The following ZFAND6 variants were observed in gnomAD, a reference collection of about 807,000 sequenced individuals.
The protein encoded by ZFAND6 is zinc finger AN1-type containing 6.
Under a neutral mutation model 24.5 loss-of-function variants are expected in ZFAND6, and 12 were observed. The ratio of observed to expected loss-of-function variants is 0.49; its 90% CI spans 0.31 to 0.79. The LOEUF (loss-of-function observed/expected upper bound fraction) is 0.79. Among genes scored for constraint, ZFAND6 ranks in the 30% least tolerant of loss-of-function variants. The pLI is 0.04. For synonymous variants in ZFAND6, 92 were observed against 81.5 expected (o/e 1.13, Z -0.69); for missense variants, 207 against 245.9 (o/e 0.84, Z 1.06).
At chr15:80,083,741 AT>A (rs1430347334) in intron 1 of ZFAND6, among the ~76,000 whole-genome samples, 2 of 152,126 alleles carry the variant, frequency 1.3e-5, no homozygotes, top group Admixed American at 1.3e-4. Context: ...AAATATAAAA[AT>A]CAGCTGGGCA....
intron 6 of ZFAND6, among the ~76,000 whole-genome samples, chr15:80,134,223 C>G (rs2040753257): frequency 6.6e-6 from 1 of 152,190 alleles, no homozygotes; most frequent in Non-Finnish European, 1.5e-5. Flanking sequence ...CTCCTGATCG[C>G]AGGTGATCCG....
At chr15:80,109,394 G>A (rs2039495868) in intron 2 of ZFAND6, among the ~76,000 whole-genome samples, 1 of 152,114 alleles carries the variant, frequency 6.6e-6, no homozygotes, top group Non-Finnish European at 1.5e-5. Context: ...TTGATGCTGG[G>A]GACAATTTTA....
chr15:80,100,854 C>T (rs2038990053), intron 2 of ZFAND6, among the ~76,000 whole-genome samples: 1 of 152,170 alleles, frequency 6.6e-6, no homozygotes, highest in African/African-American at 2.4e-5. Flanking sequence ...TCCTAGCTGT[C>T]CCTTCTAACA....
intron 1 of ZFAND6, among the ~76,000 whole-genome samples, chr15:80,072,410 C>T (rs2037030052): frequency 6.6e-6 from 1 of 151,924 alleles, no homozygotes; most frequent in South Asian, 2.1e-4. Flanking sequence ...CCAGCTTATC[C>T]AGGAGGTTTT....
At chr15:80,074,288 G>C (rs903553586) in intron 1 of ZFAND6, among the ~76,000 whole-genome samples, 1 of 151,898 alleles carries the variant, frequency 6.6e-6, no homozygotes, top group Non-Finnish European at 1.5e-5. Flanking sequence ...ATCTATGCTA[G>C]ATATTTTATA....
At chr15:80,086,114 CT>C (rs1197137774) in intron 1 of ZFAND6, among the ~76,000 whole-genome samples, 1 of 152,208 alleles carries the variant, frequency 6.6e-6, no homozygotes, top group Non-Finnish European at 1.5e-5. Context: ...TCTCAGCCCA[CT>C]GCAACCTCCG....
intron 2 of ZFAND6, among the ~76,000 whole-genome samples, chr15:80,114,387 A>C (rs1019242821): frequency 2.6e-5 from 4 of 152,208 alleles, no homozygotes; most frequent in African/African-American, 9.7e-5. Context: ...AATTATGTGA[A>C]GGACGAATGC....
chr15:80,077,353 A>G lies in ZFAND6; in HGVS notation c.-181+17544A>G, dbSNP rs182093437. Among the ~76,000 whole-genome samples, 856 of 152,340 alleles carry G rather than the reference A, an allele frequency of 5.6e-3. 1 individual carries two copies. The highest frequency in any genetic ancestry group is 0.01 in the Middle Eastern group (3 of 294). On this transcript the variant is annotated intron_variant, in intron 1 of 6. Transcript: ENST00000261749. The stretch of plus-strand genomic sequence containing the variant: ...AATGCAGACAACATTACTTACAAAT[A>G]AAATTGACGTGAACAGAAAAATAGT...
intron 5 of ZFAND6, among the ~76,000 whole-genome samples, chr15:80,127,578 A>G (rs1043101724): frequency 1.4e-5 from 2 of 138,984 alleles, no homozygotes; most frequent in Non-Finnish European, 3.1e-5. Context: ...CAAAAGGGCA[A>G]AACTCCATCT....
chr15:80,074,551 C>T (rs1181815605), intron 1 of ZFAND6, among the ~76,000 whole-genome samples: 2 of 151,742 alleles, frequency 1.3e-5, no homozygotes, highest in Non-Finnish European at 3.0e-5. Context: ...ATTATTTGTG[C>T]GTTTCTTAAT....
chr15:80,099,632 T>TTTTTTTTTTC (rs1313989156), intron 2 of ZFAND6, among the ~76,000 whole-genome samples: 4 of 149,290 alleles, frequency 2.7e-5, no homozygotes, highest in Middle Eastern at 3.4e-3. Context: ...TTTTTTTTTT[T>TTTTTTTTTTC]TTCGAGACGG....
At chr15:80,060,187 G>C (rs532341148) in intron 1 of ZFAND6, 1 of 152,062 alleles carries the variant, frequency 6.6e-6, no homozygotes, top group Non-Finnish European at 1.5e-5. Context: ...TGGCTGGCGG[G>C]GGTCGGAAGG....
At chr15:80,133,676 A>G (rs902096895) in intron 6 of ZFAND6, among the ~76,000 whole-genome samples, 2 of 152,208 alleles carry the variant, frequency 1.3e-5, no homozygotes, top group Non-Finnish European at 2.9e-5. Context: ...AAAGTGCCCT[A>G]TTCTGGAAGA....
intron 1 of ZFAND6, among the ~76,000 whole-genome samples, chr15:80,085,960 T>A (rs1045065672): frequency 3.9e-4 from 60 of 152,256 alleles, no homozygotes; most frequent in African/African-American, 1.4e-3. Context: ...AAAGGTAGTT[T>A]ATCTGCACCC....
chr15:80,080,572 C>T (rs1272811328), intron 1 of ZFAND6, among the ~76,000 whole-genome samples: 40 of 152,194 alleles, frequency 2.6e-4, no homozygotes, highest in Admixed American at 2.6e-3. Flanking sequence ...TATCTTCAGG[C>T]TGTGGTTGAT....
In ZFAND6 at chr15:80,110,441, T is replaced by C. The variant is rs79425350; in HGVS notation, c.-17-9887T>C. Among the ~76,000 whole-genome samples the C allele has an allele frequency of 3.3e-3, 507 of 152,268 alleles. 2 individuals are homozygous for C. Among genetic ancestry groups the C allele is most frequent in the African/African-American group, 0.012 (494 of 41,552 alleles). ...GGAGAACTAAATAAACTGAGAGATA[T>C]ACAGTAGTATTAGCACATCTGTAGA... On this transcript the variant is annotated intron_variant, in intron 2 of 6. Coordinates refer to ENST00000261749, the MANE Select transcript of ZFAND6 (RefSeq NM_019006.4).
chr15:80,101,598 T>C (rs941879647), intron 2 of ZFAND6, among the ~76,000 whole-genome samples: 1 of 152,168 alleles, frequency 6.6e-6, no homozygotes, highest in Non-Finnish European at 1.5e-5. Flanking sequence ...TTCTAGATAG[T>C]TGGTTTCACT....
At chr15:80,085,877 G>T (rs1567061662) in intron 1 of ZFAND6, among the ~76,000 whole-genome samples, 2 of 151,964 alleles carry the variant, frequency 1.3e-5, no homozygotes, top group African/African-American at 4.8e-5. Context: ...TATTTTTACT[G>T]TACCTTTTTT....
intron 3 of ZFAND6, chr15:80,120,830 T>TA (rs1221168747): frequency 6.4e-6 from 1 of 156,328 alleles, no homozygotes; most frequent in African/African-American, 2.4e-5. Context: ...TGGTGTGACT[T>TA]ACAGCTCAAG....
Sources: allele counts gnomAD v4.1 joint callset (sites outside exome capture counted in the v4.1 genomes callset), GRCh38; gene constraint gnomAD v4.1.1; transcripts MANE v1.5; gene names NCBI Gene and HGNC (gene_info 2026-07-23, HGNC 2026-07-21).